The following ASTN2 variants were observed in gnomAD, a reference collection of about 807,000 sequenced individuals.
ASTN2 encodes astrotactin 2, also known as astrotactin-2.
ASTN2 carries 54 observed loss-of-function variants against 139.8 expected under a neutral mutation model. The ratio of observed to expected loss-of-function variants is 0.39; its 90% CI spans 0.31 to 0.48. ASTN2 has a LOEUF of 0.48. Ranked by LOEUF, ASTN2 falls within the 20% of genes least tolerant of loss-of-function variation. ASTN2 has a pLI of 0.95. For synonymous variants in ASTN2, 756 were observed against 719.5 expected (o/e 1.05, Z -0.81); for missense variants, 1,565 against 1,725.1 (o/e 0.91, Z 1.64).
intron 3 of ASTN2, among the ~76,000 whole-genome samples, chr9:117,158,425 G>A (rs1830476340): frequency 6.6e-6 from 1 of 152,058 alleles, no homozygotes; most frequent in South Asian, 2.1e-4. Context: ...TGATTTGAGA[G>A]TTAACTATAT....
chr9:117,019,857 GACA>G (rs984667221), intron 6 of ASTN2, among the ~76,000 whole-genome samples: 2 of 152,070 alleles, frequency 1.3e-5, no homozygotes, highest in African/African-American at 4.8e-5. Context: ...TGTAAAATGG[GACA>G]ACAATACCTA....
At chr9:116,569,740 G>A (rs1198477400) in intron 19 of ASTN2, among the ~76,000 whole-genome samples, 2 of 152,260 alleles carry the variant, frequency 1.3e-5, no homozygotes, top group East Asian at 3.9e-4. Flanking sequence ...TGATGGAGCC[G>A]AGAGCTGAAC....
intron 2 of ASTN2, among the ~76,000 whole-genome samples, chr9:117,249,588 T>A (rs780726473): frequency 1.5e-4 from 23 of 152,114 alleles, no homozygotes; most frequent in Non-Finnish European, 2.8e-4. Context: ...TCGAAGGCCA[T>A]GCATGTGGTT....
Position 117,242,070 on chromosome 9 carries a change from A to C in ASTN2, c.631-27328T>G, listed in dbSNP as rs144669219. ...CCCAATTGCAGACAAAATGAGACTCATCTGTGGCCTAGATATGGACTTGGG... is the reference window on the plus strand; with the variant it reads ...CCCAATTGCAGACAAAATGAGACTCCTCTGTGGCCTAGATATGGACTTGGG... On this transcript the variant is annotated intron_variant, in intron 2 of 22. Coordinates refer to ENST00000313400, the MANE Select transcript of ASTN2 (RefSeq NM_001365068.1). 2.5e-3 allele frequency among the ~76,000 whole-genome samples: 312 copies of C among 122,904 alleles called. 4 individuals carry two copies. Among genetic ancestry groups the C allele is most frequent in the African/African-American group, 9.3e-3 (290 of 31,264 alleles). 80.6% of individuals were successfully genotyped at this position (122,904 alleles called of 152,430 possible). A position where few individuals can be genotyped will look rare whatever the true frequency, so the allele number is the denominator to read the frequency against.
intron 13 of ASTN2, among the ~76,000 whole-genome samples, chr9:116,770,115 A>AAAC (rs1424865553): frequency 2.0e-5 from 3 of 151,784 alleles, no homozygotes; most frequent in Admixed American, 6.6e-5. Context: ...AAAAAAAAAA[A>AAAC]AAAACTAAAA....
intron 19 of ASTN2, among the ~76,000 whole-genome samples, chr9:116,500,780 T>C (rs1264368421): frequency 6.6e-6 from 1 of 152,224 alleles, no homozygotes; most frequent in Non-Finnish European, 1.5e-5. Flanking sequence ...TTAGATAGTG[T>C]ATGGGAAGCA....
intron 19 of ASTN2, among the ~76,000 whole-genome samples, chr9:116,607,711 ACACACACACACACG>A (rs1343902135): frequency 3.7e-5 from 5 of 135,064 alleles, no homozygotes; most frequent in Non-Finnish European, 8.3e-5. Flanking sequence ...ACACACACAC[ACACACACACACACG>A]CTGAAGCAGG....
chr9:117,184,968 A>G (rs1371684337), intron 3 of ASTN2, among the ~76,000 whole-genome samples: 1 of 152,130 alleles, frequency 6.6e-6, no homozygotes, highest in Non-Finnish European at 1.5e-5. Flanking sequence ...AACACTATTA[A>G]AAGCCAGCTT....
chr9:116,915,943 G>A (rs1460941326), intron 10 of ASTN2, among the ~76,000 whole-genome samples: 1 of 152,182 alleles, frequency 6.6e-6, no homozygotes, highest in Non-Finnish European at 1.5e-5. Context: ...CCAAGTCAGA[G>A]GGAACTGTGA....
At chr9:116,836,195 C>T (rs554435500) in intron 11 of ASTN2, among the ~76,000 whole-genome samples, 4 of 152,190 alleles carry the variant, frequency 2.6e-5, no homozygotes, top group African/African-American at 9.6e-5. Flanking sequence ...CCCTTAATCT[C>T]CACTAACACC....
chr9:116,603,306 G>GAGAT (rs1233841974), intron 19 of ASTN2, among the ~76,000 whole-genome samples: 1 of 152,180 alleles, frequency 6.6e-6, no homozygotes, highest in African/African-American at 2.4e-5. Flanking sequence ...TGGAGTGGGA[G>GAGAT]ATCTATAAAC....
At chr9:116,521,958 A>G (rs1850894971) in intron 19 of ASTN2, among the ~76,000 whole-genome samples, 2 of 152,308 alleles carry the variant, frequency 1.3e-5, no homozygotes, top group South Asian at 2.1e-4. Flanking sequence ...CAAAACCACA[A>G]TGTAATACTA....
intron 3 of ASTN2, among the ~76,000 whole-genome samples, chr9:117,210,861 G>C (rs550807171): frequency 2.0e-5 from 3 of 151,668 alleles, no homozygotes; most frequent in East Asian, 3.9e-4. Flanking sequence ...CCATGATCAA[G>C]TGGTATTTAT....
Position 117,374,499 on chromosome 9 carries a change from T to C in ASTN2, c.442+39998A>G, listed in dbSNP as rs139644260. Among the ~76,000 whole-genome samples, 53 of 151,390 alleles carry C rather than the reference T, an allele frequency of 3.5e-4. No individual in the cohort carries two copies. The East Asian group carries it at 9.1e-3, about 26-fold the overall frequency. ...AATCTGGACCACAATAACTCAAAAA[T>C]GTTTCTCACAAAATTAATTCAAATG... On this transcript the variant is annotated intron_variant, in intron 1 of 22. Coordinates refer to ENST00000313400, the MANE Select transcript of ASTN2 (RefSeq NM_001365068.1).
chr9:117,317,779 G>C (rs989151692), intron 1 of ASTN2, among the ~76,000 whole-genome samples: 2 of 152,120 alleles, frequency 1.3e-5, no homozygotes. Flanking sequence ...ACTGATGAGA[G>C]GATGCCCCAG....
intron 16 of ASTN2, among the ~76,000 whole-genome samples, chr9:116,662,007 T>TA (rs564100278): frequency 0.026 from 3,682 of 139,980 alleles, 141 homozygotes; most frequent in African/African-American, 0.091. Flanking sequence ...GAACTTAAAT[T>TA]AAAAAAAAAA....
chr9:117,365,146 C>G (rs756304902), intron 1 of ASTN2, among the ~76,000 whole-genome samples: 6 of 148,226 alleles, frequency 4.0e-5, no homozygotes, highest in Non-Finnish European at 8.9e-5. Context: ...AAAACCCTGT[C>G]TCAGACAAAA....
intron 7 of ASTN2, among the ~76,000 whole-genome samples, chr9:116,990,290 C>T (rs1315202125): frequency 6.6e-6 from 1 of 152,110 alleles, no homozygotes; most frequent in African/African-American, 2.4e-5. Context: ...GCTTTTAAGA[C>T]AAAGTCTCGC....
chr9:116,727,192 T>C (rs10125636), intron 15 of ASTN2, among the ~76,000 whole-genome samples: 74,220 of 151,952 alleles, frequency 0.49, 18,454 homozygotes, highest in Non-Finnish European at 0.52. Context: ...ATGCACCACC[T>C]TAAAGTCGGA....
Sources: gnomAD v4.1 joint callset for allele counts (sites outside exome capture counted in the v4.1 genomes callset) on GRCh38, gnomAD v4.1.1 for gene constraint, MANE v1.5 for transcripts, NCBI Gene and HGNC (gene_info 2026-07-23, HGNC 2026-07-21) for gene names.